The following TCF7L1 variants were observed in gnomAD, a reference collection of about 807,000 sequenced individuals.
TCF7L1 encodes the protein transcription factor 7 like 1, also known as transcription factor 7-like 1.
Under a neutral mutation model 63.7 loss-of-function variants are expected in TCF7L1, and 18 were observed. That is an observed-to-expected ratio of 0.28 (90% CI 0.20 to 0.42). The LOEUF (loss-of-function observed/expected upper bound fraction) is 0.42, where lower values mean the gene tolerates loss of function less well. TCF7L1 is among the 10% of genes least tolerant of loss of function. The pLI is 1.00. For missense variants in TCF7L1, 654 were observed against 779.3 expected, an observed-to-expected ratio of 0.84 and a Z score of 1.91; for synonymous variants, 355 against 340.9, an observed-to-expected ratio of 1.04 and a Z score of -0.46.
chr2:85,158,602 G>A (rs987644688), intron 3 of TCF7L1, among the ~76,000 whole-genome samples: 2 of 152,190 alleles, frequency 1.3e-5, no homozygotes, highest in Non-Finnish European at 2.9e-5. Context: ...GATAGCTCAG[G>A]TCAGGTTAGT....
chr2:85,163,079 G>C (rs1678327632), intron 3 of TCF7L1, among the ~76,000 whole-genome samples: 1 of 152,188 alleles, frequency 6.6e-6, no homozygotes, highest in South Asian at 2.1e-4. Context: ...CAAGGTCGTA[G>C]GGTCCAGTGG....
chr2:85,231,986 T>G (rs564886556), intron 3 of TCF7L1, among the ~76,000 whole-genome samples: 1 of 149,542 alleles, frequency 6.7e-6, no homozygotes, highest in South Asian at 2.1e-4. Context: ...TGAGTTAATG[T>G]TAGCGAAGGA....
chr2:85,180,894 T>C (rs1678791527), intron 3 of TCF7L1, among the ~76,000 whole-genome samples: 1 of 152,212 alleles, frequency 6.6e-6, no homozygotes, highest in Non-Finnish European at 1.5e-5. Context: ...GCTAGACCGC[T>C]TCCTCCCTGG....
chr2:85,144,715 C>CTG (rs1239419620), intron 3 of TCF7L1, among the ~76,000 whole-genome samples: 90 of 125,054 alleles, frequency 7.2e-4, no homozygotes, highest in African/African-American at 2.2e-3. Context: ...TTCTCTCTCT[C>CTG]TCTCTGTGTG....
At chr2:85,273,093 A>C (rs1177193005) in intron 3 of TCF7L1, among the ~76,000 whole-genome samples, 4 of 152,144 alleles carry the variant, frequency 2.6e-5, no homozygotes, top group African/African-American at 9.7e-5. Context: ...CATGCGGGGA[A>C]GGGAAAGGGG....
At chr2:85,203,112 G>A (rs976432358) in intron 3 of TCF7L1, among the ~76,000 whole-genome samples, 3 of 152,150 alleles carry the variant, frequency 2.0e-5, no homozygotes, top group Non-Finnish European at 4.4e-5. Context: ...TGGGATTACA[G>A]GCATGAGCCA....
In TCF7L1 at chr2:85,212,605, AG is replaced by A. The variant is rs1221873294; in HGVS notation, c.442-70885del. 2.6e-5 allele frequency among the ~76,000 whole-genome samples: 4 copies of A among 152,276 alleles called. No individual in the cohort carries two copies. In the East Asian group the frequency reaches 5.8e-4, roughly 22 times the overall value. On this transcript the variant is annotated intron_variant, in intron 3 of 11. Coordinates refer to ENST00000282111, the MANE Select transcript of TCF7L1 (RefSeq NM_031283.3). ...GCGAGAGGGAAGAGCCATGCTAGGC[AG>A]GGGGACAGCAAGAGTAAAAGCGCAG...
intron 3 of TCF7L1, among the ~76,000 whole-genome samples, chr2:85,149,655 G>A (rs939638237): frequency 9.2e-5 from 14 of 152,020 alleles, no homozygotes; most frequent in African/African-American, 3.1e-4. Context: ...CTCCCAAGTA[G>A]CTGTGATTAC....
rs1465630944 is a variant in TCF7L1 at position 85,309,293 on chromosome 2, G to A, written c.1598G>A (p.Gly533Glu). ...LSAKAAASSS[G>E]QMGSQPPLLS... Reference sequence around the variant, plus strand: ...GCTAAGGCTGCAGCCTCCTCCTCTGGGCAGATGGGCAGCCAGCCTCCCCTC... The same window carrying A: ...GCTAAGGCTGCAGCCTCCTCCTCTGAGCAGATGGGCAGCCAGCCTCCCCTC... Residue 533 changes from glycine (G) to glutamate (E), a missense_variant, in exon 12 of 12, where the codon GGG becomes GAG. Coordinates refer to ENST00000282111, the MANE Select transcript of TCF7L1 (RefSeq NM_031283.3). 1 of 1,613,296 alleles carries A rather than the reference G, an allele frequency of 6.2e-7. No individual in the cohort carries two copies. Among genetic ancestry groups the A allele is most frequent in the African/African-American group, 1.3e-5 (1 of 74,884 alleles).
chr2:85,297,414 G>A (rs1414478232), intron 4 of TCF7L1, among the ~76,000 whole-genome samples: 1 of 152,162 alleles, frequency 6.6e-6, no homozygotes, highest in Non-Finnish European at 1.5e-5. Flanking sequence ...CAGCCCACTG[G>A]CCTGCCGTGG....
At chr2:85,239,517 G>A (rs12476095) in intron 3 of TCF7L1, among the ~76,000 whole-genome samples, 1 of 152,350 alleles carries the variant, frequency 6.6e-6, no homozygotes, top group East Asian at 1.9e-4. Flanking sequence ...CGCAGTGGGA[G>A]CAGTGGATTT....
rs112077005 is a variant in TCF7L1 at position 85,249,326 on chromosome 2, C to T, written c.442-34169C>T. 1.2e-4 allele frequency among the ~76,000 whole-genome samples: 18 copies of T among 152,280 alleles called. 1 individual carries two copies. Among genetic ancestry groups the T allele is most frequent in the African/African-American group, 3.6e-4 (15 of 41,550 alleles). On this transcript the variant is annotated intron_variant, in intron 3 of 11. Coordinates refer to ENST00000282111, the MANE Select transcript of TCF7L1 (RefSeq NM_031283.3). ...TGGGCCCCGATTCTCGTGCAGTTAC[C>T]CTTGCATGGGTGAGCAGAGTCCTGG...
intron 3 of TCF7L1, among the ~76,000 whole-genome samples, chr2:85,203,009 ATT>A (rs1330933511): frequency 4.6e-5 from 7 of 151,820 alleles, no homozygotes; most frequent in Admixed American, 3.3e-4. Flanking sequence ...AATTTTTTGT[ATT>A]TTTTTGGTAG....
In TCF7L1 at chr2:85,134,549, C is replaced by G; in HGVS notation, c.441+99C>G. ...GGAGTGGGGGATGGGGCCTTCTGCGCCGATCCCAAGCAGAACTTGTTTGCG... is the reference window on the plus strand; with the variant it reads ...GGAGTGGGGGATGGGGCCTTCTGCGGCGATCCCAAGCAGAACTTGTTTGCG... On this transcript the variant is annotated intron_variant, in intron 3 of 11. Coordinates refer to ENST00000282111, the MANE Select transcript of TCF7L1 (RefSeq NM_031283.3). This position sits in a 1 kb window ranked among gnomAD's most constrained non-coding sequence, Gnocchi z 5.0. The G allele has an allele frequency of 4.1e-6, 6 of 1,465,496 alleles. No homozygotes were observed. Among genetic ancestry groups the G allele is most frequent in the East Asian group, 2.5e-5 (1 of 40,244 alleles). 90.8% of individuals were successfully genotyped at this position (1,465,496 alleles called of 1,614,324 possible).
intron 3 of TCF7L1, among the ~76,000 whole-genome samples, chr2:85,238,608 AAG>A (rs1445351761): frequency 6.6e-6 from 1 of 152,002 alleles, no homozygotes; most frequent in Non-Finnish European, 1.5e-5. Flanking sequence ...CACACAGGCA[AAG>A]TCTATGCCCT....
chr2:85,241,220 T>C (rs1680312237), intron 3 of TCF7L1, among the ~76,000 whole-genome samples: 1 of 152,164 alleles, frequency 6.6e-6, no homozygotes. Context: ...CAGCAGTTTT[T>C]GCTCTCTTTC....
At position 85,305,496 on chromosome 2, in the gene TCF7L1, C is replaced by A. The variant is rs1439915411; in HGVS notation, c.989+93C>A. 3 of 1,430,414 alleles carry A rather than the reference C, an allele frequency of 2.1e-6. No individual in the cohort carries two copies. In the East Asian group the frequency reaches 7.3e-5, roughly 35 times the overall value. The allele number at this position is 1,430,414 out of a possible 1,614,324, so 88.6% of individuals were successfully genotyped here. A position where few individuals can be genotyped will look rare whatever the true frequency, so the allele number is the denominator to read the frequency against. On this transcript the variant is annotated intron_variant, in intron 8 of 11. Transcript: ENST00000282111. The stretch of plus-strand genomic sequence containing the variant: ...AGCAGCAAATGTCATGTACTCTTCT[C>A]TCTTGGTGTCACTCAGCAGGCATCA...
chr2:85,301,659 G>C (rs1681981159), intron 4 of TCF7L1, among the ~76,000 whole-genome samples: 1 of 152,294 alleles, frequency 6.6e-6, no homozygotes, highest in East Asian at 1.9e-4. Flanking sequence ...GCAGAGTAAA[G>C]TGTTACAGAG....
At chr2:85,172,406 T>C (rs1285161600) in intron 3 of TCF7L1, among the ~76,000 whole-genome samples, 1 of 152,216 alleles carries the variant, frequency 6.6e-6, no homozygotes, top group Non-Finnish European at 1.5e-5. Flanking sequence ...ACTTGTTCTG[T>C]GCCTCCTTCA....
Sources: gnomAD v4.1 joint callset for allele counts (sites outside exome capture counted in the v4.1 genomes callset) on GRCh38, gnomAD v4.1.1 for gene constraint, Gnocchi (gnomAD v3.1) non-coding constraint, MANE v1.5 for transcripts, NCBI Gene and HGNC (gene_info 2026-07-23, HGNC 2026-07-21) for gene names.